The following STAU2 variants were observed in gnomAD, a reference collection of about 807,000 sequenced individuals.
STAU2 encodes the protein double-stranded RNA-binding protein Staufen homolog 2.
STAU2 carries 20 observed loss-of-function variants against 65.9 expected under a neutral mutation model. The ratio of observed to expected loss-of-function variants is 0.30; its 90% CI spans 0.21 to 0.44. The LOEUF is 0.44. Among genes scored for constraint, STAU2 ranks in the 20% least tolerant of loss-of-function variants. STAU2 has a pLI of 1.00. For synonymous variants in STAU2, 232 were observed against 233.9 expected (o/e 0.99, Z 0.07); for missense variants, 558 against 683.9 (o/e 0.82, Z 2.05).
chr8:73,701,112 A>C (rs1820069013), intron 4 of STAU2, among the ~76,000 whole-genome samples: 1 of 152,154 alleles, frequency 6.6e-6, no homozygotes, highest in Non-Finnish European at 1.5e-5. Flanking sequence ...GCCATACACA[A>C]AAAAAATCAA....
At position 73,691,994 on chromosome 8, in the gene STAU2, T is replaced by C. The variant is rs538903546; in HGVS notation, c.115-3181A>G. ...TTCATTTTTAGCCCCATCCCATTCC[T>C]ATCCACCACGGAGGAAAGAGGGGCT... On this transcript the variant is annotated intron_variant, in intron 4 of 14. Coordinates refer to ENST00000524300, the MANE Select transcript of STAU2 (RefSeq NM_001164380.2). Among the ~76,000 whole-genome samples, 45 of 152,280 alleles carry C rather than the reference T, an allele frequency of 3.0e-4. 1 individual carries two copies. The South Asian group carries it at 8.7e-3, about 29-fold the overall frequency.
chr8:73,523,591 C>A (rs1823180571), intron 13 of STAU2, among the ~76,000 whole-genome samples: 1 of 152,170 alleles, frequency 6.6e-6, no homozygotes, highest in African/African-American at 2.4e-5. Context: ...TAATCCCTCT[C>A]CATACCCCCA....
At chr8:73,558,678 G>T (rs572118255) in intron 12 of STAU2, among the ~76,000 whole-genome samples, 1 of 152,344 alleles carries the variant, frequency 6.6e-6, no homozygotes, top group African/African-American at 2.4e-5. Context: ...AAGCCAGGCA[G>T]CAAGAAAGAT....
intron 13 of STAU2, among the ~76,000 whole-genome samples, chr8:73,466,730 A>G (rs1238970518): frequency 1.3e-5 from 2 of 152,130 alleles, no homozygotes; most frequent in Non-Finnish European, 2.9e-5. Flanking sequence ...ATCAACTTCT[A>G]CTTTGTGCTG....
At chr8:73,717,615 T>C (rs1227619159) in intron 3 of STAU2, among the ~76,000 whole-genome samples, 2 of 140,036 alleles carry the variant, frequency 1.4e-5, no homozygotes, top group Admixed American at 7.1e-5. Flanking sequence ...CACTGATCTA[T>C]TTGTCTTTTG....
chr8:73,603,204 T>C (rs1811771058), intron 10 of STAU2, among the ~76,000 whole-genome samples: 3 of 152,200 alleles, frequency 2.0e-5, no homozygotes, highest in African/African-American at 4.8e-5. Flanking sequence ...GCCAATACAC[T>C]AGCAGCCATT....
intron 13 of STAU2, among the ~76,000 whole-genome samples, chr8:73,449,757 C>G (rs1214454473): frequency 2.6e-5 from 4 of 152,222 alleles, no homozygotes; most frequent in Non-Finnish European, 4.4e-5. Context: ...CTTGTTACAA[C>G]CACTTTTGCT....
chr8:73,738,213 G>T, intron 3 of STAU2, 71 bp downstream of exon 3: 1 of 1,342,574 alleles, frequency 7.4e-7, no homozygotes, highest in Non-Finnish European at 1.1e-6. Flanking sequence ...AAGAAAAGCT[G>T]AGTTAAAATG....
chr8:73,579,198 T>C (rs1809808364), intron 12 of STAU2, among the ~76,000 whole-genome samples: 1 of 152,226 alleles, frequency 6.6e-6, no homozygotes, highest in Non-Finnish European at 1.5e-5. Context: ...TCAATAAGAA[T>C]GCTATCTCAT....
intron 13 of STAU2, among the ~76,000 whole-genome samples, chr8:73,537,529 C>T (rs545892916): frequency 6.6e-6 from 1 of 152,304 alleles, no homozygotes. Flanking sequence ...AGTTTCTCAA[C>T]AGAAACCACG....
At chr8:73,488,041 T>C (rs1422915224) in intron 13 of STAU2, among the ~76,000 whole-genome samples, 1 of 152,096 alleles carries the variant, frequency 6.6e-6, no homozygotes, top group African/African-American at 2.4e-5. Flanking sequence ...TTAGTTTGTT[T>C]AGTGGCATAC....
intron 13 of STAU2, among the ~76,000 whole-genome samples, chr8:73,443,752 G>A (rs1038308969): frequency 2.0e-5 from 3 of 152,026 alleles, no homozygotes; most frequent in African/African-American, 7.3e-5. Flanking sequence ...GGAGGCTAAC[G>A]TGGGAGGATT....
At chr8:73,485,578 C>T (rs1474584087) in intron 13 of STAU2, among the ~76,000 whole-genome samples, 1 of 151,974 alleles carries the variant, frequency 6.6e-6, no homozygotes, top group Non-Finnish European at 1.5e-5. Context: ...ATGGCAAGCT[C>T]GGTAGCTCAG....
intron 5 of STAU2, among the ~76,000 whole-genome samples, chr8:73,682,002 T>A (rs915996082): frequency 1.3e-5 from 2 of 152,012 alleles, no homozygotes; most frequent in Non-Finnish European, 2.9e-5. Flanking sequence ...CCTTAATAAA[T>A]GAGACAGAGG....
intron 11 of STAU2, among the ~76,000 whole-genome samples, chr8:73,583,658 A>AAAAAAAAT: frequency 6.8e-6 from 1 of 146,302 alleles, no homozygotes. Flanking sequence ...ATACAAATAT[A>AAAAAAAAT]AAAAAAATAA....
At chr8:73,694,864 A>C (rs1241501202) in intron 4 of STAU2, among the ~76,000 whole-genome samples, 1 of 152,200 alleles carries the variant, frequency 6.6e-6, no homozygotes, top group Non-Finnish European at 1.5e-5. Flanking sequence ...GCAGACAATG[A>C]AAATGTGCTG....
rs568993729 is a variant in STAU2 at position 73,466,152 on chromosome 8, A to G, written c.1531-43450T>C. 5.3e-5 allele frequency among the ~76,000 whole-genome samples: 8 copies of G among 152,326 alleles called. No individual in the cohort carries two copies. In the South Asian group the frequency reaches 1.7e-3, roughly 32 times the overall value. On this transcript the variant is annotated intron_variant, in intron 13 of 14. Coordinates refer to ENST00000524300, the MANE Select transcript of STAU2 (RefSeq NM_001164380.2). Reference sequence around the variant, plus strand: ...GCATTTTAGGATAGCACACTTGTAGACCTCACAAATGTAAATGGAAACCCA... The same window carrying G: ...GCATTTTAGGATAGCACACTTGTAGGCCTCACAAATGTAAATGGAAACCCA...
chr8:73,616,146 C>T (rs891667754), intron 7 of STAU2, among the ~76,000 whole-genome samples: 26 of 152,112 alleles, frequency 1.7e-4, no homozygotes, highest in Admixed American at 1.6e-3. Context: ...CTAATGTGAT[C>T]TATGAGGATG....
chr8:73,655,192 T>A (rs1048339120), intron 6 of STAU2, among the ~76,000 whole-genome samples: 5 of 152,228 alleles, frequency 3.3e-5, no homozygotes, highest in Admixed American at 6.5e-5. Context: ...TTCTTACAGC[T>A]AAAGTTTTAA....
Sources: allele counts gnomAD v4.1 joint callset (sites outside exome capture counted in the v4.1 genomes callset), GRCh38; gene constraint gnomAD v4.1.1; transcripts MANE v1.5; gene names NCBI Gene and HGNC (gene_info 2026-07-23, HGNC 2026-07-21).